PAWR: variants seen among roughly 807,000 people sequenced by gnomAD.
The protein encoded by PAWR is pro-apoptotic WT1 regulator.
A neutral mutation model predicts 32.0 loss-of-function variants in PAWR; 23 were observed. That is an observed-to-expected ratio of 0.72 (90% confidence interval 0.52 to 1.02). The LOEUF (loss-of-function observed/expected upper bound fraction) is 1.02, where lower values mean the gene tolerates loss of function less well. PAWR is among the 50% of genes least tolerant of loss of function. The probability of loss-of-function intolerance (pLI) is 0.00; values close to 1 mark genes in which losing one functional copy is unlikely to be tolerated. For synonymous variants in PAWR, 226 were observed against 187.1 expected, an observed-to-expected ratio of 1.21 and a Z score of -1.70; for missense variants, 457 against 437.7, an observed-to-expected ratio of 1.04 and a Z score of -0.39.
intron 2 of PAWR, among the ~76,000 whole-genome samples, chr12:79,656,451 C>T (rs150538295): frequency 3.2e-4 from 49 of 151,968 alleles, no homozygotes; most frequent in African/African-American, 5.6e-4. Flanking sequence ...GGGGGTGAGG[C>T]GGGGAAATAT....
intron 1 of PAWR, 62 bp from the exon 2 acceptor site, chr12:79,690,453 G>A (rs1019155698): frequency 5.5e-6 from 6 of 1,089,012 alleles, no homozygotes; most frequent in African/African-American, 3.3e-5. Context: ...CGACCCAAGG[G>A]TCTGCCCCCG....
At chr12:79,664,036 CTTA>C (rs1189921652) in intron 2 of PAWR, among the ~76,000 whole-genome samples, 1 of 152,010 alleles carries the variant, frequency 6.6e-6, no homozygotes, top group Non-Finnish European at 1.5e-5. Context: ...GGAGAAATAG[CTTA>C]TAATAAAATA....
chr12:79,679,909 T>C (rs191679275), intron 2 of PAWR, among the ~76,000 whole-genome samples: 40 of 152,326 alleles, frequency 2.6e-4, no homozygotes, highest in Middle Eastern at 6.8e-3. Flanking sequence ...TCATTATTAG[T>C]ATACTCTTAT....
At chr12:79,615,488 C>G (rs1874684722) in intron 3 of PAWR, among the ~76,000 whole-genome samples, 1 of 152,168 alleles carries the variant, frequency 6.6e-6, no homozygotes, top group Admixed American at 6.6e-5. Context: ...CTGGGGAAGT[C>G]ATGCCTTGAC....
At position 79,687,846 on chromosome 12, in the gene PAWR, G is replaced by A. The variant is rs190408800; in HGVS notation, c.516+1883C>T. The stretch of plus-strand genomic sequence containing the variant: ...AAATAAGAAAATATGAGGAGGAGGC[G>A]CTCAAGAAGTATGTCTGTTAATTAG... On this transcript the variant is annotated intron_variant, in intron 2 of 6. Transcript: ENST00000328827. Among the ~76,000 whole-genome samples, 110 of 152,140 alleles carry A rather than the reference G, an allele frequency of 7.2e-4. 1 individual carries two copies. The highest frequency in any genetic ancestry group is 2.4e-3 in the African/African-American group (100 of 41,540).
chr12:79,628,259 C>T (rs551939220), intron 2 of PAWR, among the ~76,000 whole-genome samples: 12 of 152,146 alleles, frequency 7.9e-5, no homozygotes, highest in African/African-American at 1.2e-4. Context: ...TTGAAACCAA[C>T]GAGAACAAAG....
At chr12:79,627,087 T>A (rs1592511703) in intron 2 of PAWR, among the ~76,000 whole-genome samples, 2 of 152,178 alleles carry the variant, frequency 1.3e-5, no homozygotes, top group Admixed American at 6.5e-5. Context: ...TGATTTATAA[T>A]CCTTTGGGTA....
At chr12:79,594,473 T>C (rs1237177966) in intron 5 of PAWR, 40 bp from the exon 6 acceptor site, 2 of 952,904 alleles carry the variant, frequency 2.1e-6, no homozygotes, top group Non-Finnish European at 3.3e-6. Context: ...AGGAAGTAAT[T>C]GTTTATTTAT....
chr12:79,603,680 T>C (rs945194158), intron 4 of PAWR: 2 of 140,104 alleles, frequency 1.4e-5, no homozygotes, highest in African/African-American at 5.2e-5. Context: ...TTTTTTTTTT[T>C]TTTTTTTTTT....
chr12:79,684,709 T>C (rs1878601412), intron 2 of PAWR, among the ~76,000 whole-genome samples: 3 of 152,146 alleles, frequency 2.0e-5, no homozygotes, highest in Admixed American at 2.0e-4. Context: ...TTAATGCCAG[T>C]GTTTATATAT....
At chr12:79,657,445 C>T (rs1455276511) in intron 2 of PAWR, among the ~76,000 whole-genome samples, 1 of 151,664 alleles carries the variant, frequency 6.6e-6, no homozygotes, top group Non-Finnish European at 1.5e-5. Context: ...TATCAGGATA[C>T]ATATAGTAAC....
In PAWR at chr12:79,590,995, G is replaced by T. The variant is rs1873537816; in HGVS notation, c.*1612C>A. 1 of 152,178 alleles carries T rather than the reference G, an allele frequency of 6.6e-6. No individual in the cohort carries two copies. Among genetic ancestry groups the T allele is most frequent in the Non-Finnish European group, 1.5e-5 (1 of 68,006 alleles). The allele number at this position is 152,178 out of a possible 1,614,324, so 9.4% of individuals were successfully genotyped here. On this transcript the variant is annotated 3_prime_UTR_variant, in exon 7 of 7. Coordinates refer to ENST00000328827, the MANE Select transcript of PAWR (RefSeq NM_002583.4). Reference sequence around the variant, plus strand: ...GATAAAATTATGTCAATTCCAGGGTGTTCAATGGAATAAAGAAACAGCAGC... The same window carrying T: ...GATAAAATTATGTCAATTCCAGGGTTTTCAATGGAATAAAGAAACAGCAGC...
Position 79,586,567 on chromosome 12 carries a change from TTATATG to T in PAWR, c.*6034_*6039del. ...GTGTCTAACCAGGGATAGCAACTGATTATATGTGGATTAACAATAGTGAATAACTGA... is the reference window on the plus strand; with the variant it reads ...GTGTCTAACCAGGGATAGCAACTGATTGGATTAACAATAGTGAATAACTGA... On this transcript the variant is annotated 3_prime_UTR_variant, in exon 7 of 7. Transcript: ENST00000328827. 2.0e-5 allele frequency: 3 copies of T among 152,322 alleles called. No homozygotes were observed. The highest frequency in any genetic ancestry group is 7.2e-5 in the African/African-American group (3 of 41,580). The allele number at this position is 152,322 out of a possible 1,614,324, so 9.4% of individuals were successfully genotyped here.
At chr12:79,669,586 T>A (rs1314134597) in intron 2 of PAWR, among the ~76,000 whole-genome samples, 1 of 152,286 alleles carries the variant, frequency 6.6e-6, no homozygotes, top group East Asian at 1.9e-4. Context: ...ATCTAGATAA[T>A]CTAAACTTAG....
rs1192789488 is a variant in PAWR, at chr12:79,596,627, T to C, written c.715A>G (p.Ser239Gly). The C allele has an allele frequency of 3.1e-6, 5 of 1,599,134 alleles. No homozygotes were observed. The highest frequency in any genetic ancestry group is 4.3e-6 in the Non-Finnish European group (5 of 1,171,176). The change falls in exon 5 of 7, where the codon AGT becomes GGT. Residue 239 changes from serine (S) to glycine (G), a missense_variant. Physicochemically the swap from Ser to Gly is moderately conservative, Grantham distance 56 (BLOSUM62 0). Transcript: ENST00000328827. Reference protein sequence around the residue: ...TTSVSEEDVSSRYSRTDRSGF... With the variant: ...TTSVSEEDVSGRYSRTDRSGF... ...CTTCTATCTGTTCGAGAATATCTACTTGAGACATCTTCTTCAGAGACACTG... is the reference window on the plus strand; with the variant it reads ...CTTCTATCTGTTCGAGAATATCTACCTGAGACATCTTCTTCAGAGACACTG...
At chr12:79,665,989 G>C (rs921455869) in intron 2 of PAWR, among the ~76,000 whole-genome samples, 3 of 152,124 alleles carry the variant, frequency 2.0e-5, no homozygotes, top group Non-Finnish European at 4.4e-5. Context: ...AGTATCATCA[G>C]ATAACTTGAA....
At chr12:79,674,508 T>C (rs1194345385) in intron 2 of PAWR, among the ~76,000 whole-genome samples, 1 of 152,054 alleles carries the variant, frequency 6.6e-6, no homozygotes, top group East Asian at 1.9e-4. Context: ...AAAGATTTCA[T>C]GATGAAGACT....
intron 4 of PAWR, 83 bp downstream of exon 4, chr12:79,613,492 G>A: frequency 1.5e-6 from 1 of 654,454 alleles, no homozygotes; most frequent in Admixed American, 2.6e-5. Context: ...TCAAAAAGCT[G>A]CTTTAAATAG....
chr12:79,639,903 TTCC>T (rs1876234196), intron 2 of PAWR, among the ~76,000 whole-genome samples: 1 of 127,258 alleles, frequency 7.9e-6, no homozygotes, highest in Non-Finnish European at 1.5e-5. Flanking sequence ...TTCCATTCCA[TTCC>T]ATTCCATTCT....
Sources: allele counts gnomAD v4.1 joint callset (sites outside exome capture counted in the v4.1 genomes callset), GRCh38; gene constraint gnomAD v4.1.1; transcripts MANE v1.5; gene names NCBI Gene and HGNC (gene_info 2026-07-23, HGNC 2026-07-21).